The following TRMT10A variants were observed in gnomAD, a reference collection of about 807,000 sequenced individuals.
TRMT10A encodes tRNA methyltransferase 10 homolog A.
TRMT10A carries 37 observed loss-of-function variants against 40.4 expected under a neutral mutation model. The ratio of observed to expected loss-of-function variants is 0.92; its 90% confidence interval spans 0.71 to 1.21. The LOEUF is 1.21. Ranked by LOEUF, TRMT10A falls within the 50% of genes most tolerant of loss-of-function variation. The probability of loss-of-function intolerance (pLI) is 0.00; values close to 1 mark genes in which losing one functional copy is unlikely to be tolerated. For missense variants in TRMT10A, 388 were observed against 404.3 expected, an observed-to-expected ratio of 0.96 and a Z score of 0.35; for synonymous variants, 103 against 134.1, an observed-to-expected ratio of 0.77 and a Z score of 1.60.
chr4:99,550,653 T>G (rs1723925860), intron 7 of TRMT10A, among the ~76,000 whole-genome samples: 1 of 152,138 alleles, frequency 6.6e-6, no homozygotes, highest in Admixed American at 6.5e-5. Context: ...CACCAAAAAG[T>G]TAACACCAAG....
chr4:99,563,572 G>C (rs1724549965), intron 1 of TRMT10A: 2 of 246,940 alleles, frequency 8.1e-6, no homozygotes, highest in South Asian at 4.0e-5. Context: ...CACATACTAC[G>C]GGCCGATGGC....
chr4:99,556,066 T>C (rs554606061), intron 5 of TRMT10A, 80 bp downstream of exon 5: 19 of 1,300,932 alleles, frequency 1.5e-5, no homozygotes, highest in Middle Eastern at 4.5e-4. Flanking sequence ...TAGCATTATA[T>C]AGAATTTAGG....
intron 1 of TRMT10A, among the ~76,000 whole-genome samples, chr4:99,563,209 G>A (rs1025829754): frequency 1.3e-5 from 2 of 152,264 alleles, no homozygotes; most frequent in African/African-American, 4.8e-5. Flanking sequence ...TTTGGGCAGA[G>A]GGTTGGGAAT....
chr4:99,557,275 A>ATT, intron 4 of TRMT10A, 70 bp downstream of exon 4: 1 of 1,461,482 alleles, frequency 6.8e-7, no homozygotes. Context: ...GACTATAGGA[A>ATT]TTATCTATGT....
Position 99,547,608 on chromosome 4 carries a change from C to T in TRMT10A, c.*1480G>A, listed in dbSNP as rs2110178897. The T allele has an allele frequency of 6.6e-6, 1 of 152,036 alleles. No homozygotes were observed. The highest frequency in any genetic ancestry group is 1.5e-5 in the Non-Finnish European group (1 of 67,974). 9.4% of individuals were successfully genotyped at this position (152,036 alleles called of 1,614,324 possible). On this transcript the variant is annotated 3_prime_UTR_variant, in exon 8 of 8. Transcript: ENST00000394876. ...GAAAAAATACAACTTAAGACATAAG[C>T]TTTGTTATTTTAAAATTGTAGGGCT...
At chr4:99,562,514 C>T (rs1456360836) in intron 1 of TRMT10A, among the ~76,000 whole-genome samples, 24 of 108,544 alleles carry the variant, frequency 2.2e-4, no homozygotes, top group Non-Finnish European at 3.8e-4. Flanking sequence ...CAAAGGAATG[C>T]CTTTTTTTTT....
intron 5 of TRMT10A, among the ~76,000 whole-genome samples, chr4:99,555,424 A>T (rs755723934): frequency 6.6e-6 from 1 of 152,202 alleles, no homozygotes; most frequent in Non-Finnish European, 1.5e-5. Context: ...TACCAAGGCC[A>T]ATCTATTTAG....
chr4:99,556,804 T>C (rs1314994488), intron 4 of TRMT10A, among the ~76,000 whole-genome samples: 2 of 152,220 alleles, frequency 1.3e-5, no homozygotes, highest in African/African-American at 2.4e-5. Context: ...CCAGTATTAA[T>C]TTTTAGGTCA....
At chr4:99,553,284 T>C (rs940290247) in intron 6 of TRMT10A, among the ~76,000 whole-genome samples, 1 of 152,194 alleles carries the variant, frequency 6.6e-6, no homozygotes, top group Non-Finnish European at 1.5e-5. Flanking sequence ...TTTTAGAAAG[T>C]GCATTTCTGT....
chr4:99,553,322 T>G (rs1368239321), intron 6 of TRMT10A, among the ~76,000 whole-genome samples: 2 of 152,174 alleles, frequency 1.3e-5, no homozygotes, highest in South Asian at 2.1e-4. Flanking sequence ...AAGGTATGGA[T>G]GGGAAGAGAG....
chr4:99,557,981 G>A lies in TRMT10A; in HGVS notation c.348+68C>T. On this transcript the variant is annotated intron_variant, in intron 3 of 7. Coordinates refer to ENST00000394876, the MANE Select transcript of TRMT10A (RefSeq NM_001134665.3). ...CACAAATTTACATAAAAGGGATATT[G>A]CATATTAAAACAAAAATGATTCGAC... The A allele has an allele frequency of 3.6e-6, 5 of 1,390,694 alleles. No homozygotes were observed. The South Asian group carries it at 7.5e-5, about 21-fold the overall frequency. The allele number at this position is 1,390,694 out of a possible 1,614,324, so 86.1% of individuals were successfully genotyped here.
rs1341449898 is a variant in TRMT10A at position 99,555,338 on chromosome 4, CTGACTT to C, written c.495+802_495+807del. On this transcript the variant is annotated intron_variant, in intron 5 of 7. Coordinates refer to ENST00000394876, the MANE Select transcript of TRMT10A (RefSeq NM_001134665.3). ...AAGGGAAAGTGTGTCACTGAGAGAA[CTGACTT>C]TGAGAAAGAAAAAAGGTATAGGGAT... 2.0e-5 allele frequency among the ~76,000 whole-genome samples: 3 copies of C among 152,036 alleles called. No individual in the cohort carries two copies. The East Asian group carries it at 5.8e-4, about 29-fold the overall frequency.
At chr4:99,551,015 G>A (rs761076191) in intron 6 of TRMT10A, 25 bp from the exon 7 acceptor site, 7 of 1,473,634 alleles carry the variant, frequency 4.8e-6, no homozygotes, top group African/African-American at 2.8e-5. Flanking sequence ...CTATGACTTC[G>A]ACAAGAACAT....
At chr4:99,550,854 G>A (rs770502540) in intron 7 of TRMT10A, 31 bp downstream of exon 7, 1 of 1,451,196 alleles carries the variant, frequency 6.9e-7, no homozygotes, top group South Asian at 1.2e-5. Flanking sequence ...GTTCGCTCAG[G>A]TATATTTTCA....
At position 99,556,129 on chromosome 4, in the gene TRMT10A, T is replaced by C. The variant is rs1724150737; in HGVS notation, c.495+17A>G. ...AAAATACTTGGAATTATGTGAGAGT[T>C]TATCTGTTTTAATTACCTTCCAGTT... On this transcript the variant is annotated intron_variant, in intron 5 of 7. Coordinates refer to ENST00000394876, the MANE Select transcript of TRMT10A (RefSeq NM_001134665.3). 6.2e-7 allele frequency: 1 copy of C among 1,609,632 alleles called. No individual in the cohort carries two copies. The highest frequency in any genetic ancestry group is 1.1e-5 in the South Asian group (1 of 90,560).
intron 2 of TRMT10A, 148 bp downstream of exon 2, chr4:99,559,006 C>T (rs1724275705): frequency 1.2e-6 from 1 of 806,654 alleles, no homozygotes; most frequent in Non-Finnish European, 1.8e-6. Flanking sequence ...CAATTTTCTT[C>T]TCTTGCGTTT....
rs1724156237 is a variant in TRMT10A at position 99,556,235 on chromosome 4, G to T, written c.421-15C>A. The T allele has an allele frequency of 2.5e-6, 4 of 1,608,022 alleles. No individual in the cohort carries two copies. The South Asian group carries it at 3.3e-5, about 13-fold the overall frequency. ...GTCAAGTAAAACTGATAAAAGATTT[G>T]TAAGTATAGAAAAAGAGAACAAATG... On this transcript the variant is annotated splice_polypyrimidine_tract_variant and intron_variant, in intron 4 of 7. Coordinates refer to ENST00000394876, the MANE Select transcript of TRMT10A (RefSeq NM_001134665.3).
chr4:99,554,479 T>C (rs1257090105), intron 5 of TRMT10A, among the ~76,000 whole-genome samples: 1 of 151,982 alleles, frequency 6.6e-6, no homozygotes, highest in Non-Finnish European at 1.5e-5. Context: ...TCCCAGCACT[T>C]TGGAAGGCTG....
intron 3 of TRMT10A, 64 bp from the exon 4 acceptor site, chr4:99,557,480 TAAAGG>T: frequency 6.9e-7 from 1 of 1,439,896 alleles, no homozygotes; most frequent in Non-Finnish European, 9.7e-7. Context: ...TCTATGATCT[TAAAGG>T]AATGGAATAA....
Sources: allele counts gnomAD v4.1 joint callset (sites outside exome capture counted in the v4.1 genomes callset), GRCh38; gene constraint gnomAD v4.1.1; transcripts MANE v1.5; gene names NCBI Gene and HGNC (gene_info 2026-07-23, HGNC 2026-07-21).